The following UBXN7 variants were observed in gnomAD, a reference collection of about 807,000 sequenced individuals.
UBXN7 encodes the protein UBX domain protein 7.
In UBXN7, 9 loss-of-function variants were observed where a neutral mutation model predicts 58.0. The observed-to-expected ratio is 0.16, with a 90% confidence interval of 0.09 to 0.27. The LOEUF is 0.27. Among genes scored for constraint, UBXN7 ranks in the 10% least tolerant of loss-of-function variants. UBXN7 has a pLI of 1.00. For synonymous variants in UBXN7, 208 were observed against 205.0 expected (o/e 1.01, Z -0.12); for missense variants, 328 against 599.6 (o/e 0.55, Z 4.73).
chr3:196,361,853 A>G lies in UBXN7; in HGVS notation c.1299T>C (p.Ala433=). The change falls in exon 10 of 11, where the codon GCT becomes GCC. Residue 433 remains alanine, a synonymous_variant. Transcript: ENST00000296328. ...KREQITLPEQ[A]KLLALVKHVQ... ...GCAAGCCTGTACTTACTAGCAGTTT[A>G]GCTTGCTCTGGAAGAGTGATCTGTT... 6.2e-7 allele frequency: 1 copy of G among 1,613,698 alleles called. No individual in the cohort carries two copies. The highest frequency in any genetic ancestry group is 8.5e-7 in the Non-Finnish European group (1 of 1,179,824).
chr3:196,379,586 C>G (rs1166646103), intron 5 of UBXN7, among the ~76,000 whole-genome samples: 1 of 152,124 alleles, frequency 6.6e-6, no homozygotes, highest in African/African-American at 2.4e-5. Flanking sequence ...CGATGGTATT[C>G]CTGTCTATTA....
intron 1 of UBXN7, among the ~76,000 whole-genome samples, chr3:196,422,013 A>G (rs1730704895): frequency 1.3e-5 from 2 of 152,040 alleles, no homozygotes; most frequent in Admixed American, 6.6e-5. Context: ...AGACTGGCCA[A>G]TGTGGTGAAA....
At chr3:196,415,919 C>T (rs560423542) in intron 1 of UBXN7, among the ~76,000 whole-genome samples, 6 of 152,322 alleles carry the variant, frequency 3.9e-5, no homozygotes, top group African/African-American at 7.2e-5. Flanking sequence ...ACATCTGCGT[C>T]CCAATGAACC....
At chr3:196,420,080 C>A (rs1232475197) in intron 1 of UBXN7, among the ~76,000 whole-genome samples, 1 of 152,156 alleles carries the variant, frequency 6.6e-6, no homozygotes, top group Non-Finnish European at 1.5e-5. Flanking sequence ...TTTACCTATG[C>A]ACCCAAGAGG....
At chr3:196,412,230 CAAAAAAAAAA>C (rs55746914) in intron 1 of UBXN7, among the ~76,000 whole-genome samples, 1 of 89,126 alleles carries the variant, frequency 1.1e-5, no homozygotes, top group Non-Finnish European at 2.1e-5. Context: ...GACTTTGTCT[CAAAAAAAAAA>C]AAAAAAAAAG....
At chr3:196,399,805 T>C (rs1302047136) in intron 3 of UBXN7, 1 of 152,182 alleles carries the variant, frequency 6.6e-6, no homozygotes, top group Non-Finnish European at 1.5e-5. Flanking sequence ...TATCTAGTGA[T>C]ACAGCCTGAA....
At chr3:196,413,016 G>A (rs2108619562) in intron 1 of UBXN7, among the ~76,000 whole-genome samples, 1 of 152,246 alleles carries the variant, frequency 6.6e-6, no homozygotes, top group Non-Finnish European at 1.5e-5. Flanking sequence ...CATTATTAAT[G>A]TATTTAATAC....
chr3:196,401,504 C>T (rs1263360847), intron 3 of UBXN7, among the ~76,000 whole-genome samples: 3 of 150,198 alleles, frequency 2.0e-5, no homozygotes, highest in Non-Finnish European at 4.4e-5. Context: ...TATGTATTAT[C>T]CTAAGTGAAT....
chr3:196,349,439 T>C lies in UBXN7; in HGVS notation c.*7246A>G, dbSNP rs1728162397. On this transcript the variant is annotated 3_prime_UTR_variant, in exon 11 of 11. Coordinates refer to ENST00000296328, the MANE Select transcript of UBXN7 (RefSeq NM_015562.2). The stretch of plus-strand genomic sequence containing the variant: ...AAAGTTATTGTTAAAAGCATATGAT[T>C]AGTGTCATAAACATATTTATATTTG... The C allele has an allele frequency of 6.6e-6, 1 of 152,328 alleles. No individual in the cohort carries two copies. Among genetic ancestry groups the C allele is most frequent in the South Asian group, 2.1e-4 (1 of 4,826 alleles). 9.4% of individuals were successfully genotyped at this position (152,328 alleles called of 1,614,324 possible).
chr3:196,432,396 C>T lies in UBXN7; in HGVS notation c.4G>A (p.Ala2Thr). M[A>T]AHGGSAASSA... Reference sequence around the variant, plus strand: ...GACGCCGCGGAGCCCCCGTGGGCAGCCATCTTACCGCCGCCGCCGCCGCCG... The same window carrying T: ...GACGCCGCGGAGCCCCCGTGGGCAGTCATCTTACCGCCGCCGCCGCCGCCG... The change falls in exon 1 of 11, where the codon GCT becomes ACT. Residue 2 changes from alanine to threonine, a missense_variant. Ala to Thr is a moderately conservative substitution (Grantham distance 58). This residue lies in a region of UBXN7 where 106 missense variants were observed against 124.3 expected (regional missense o/e 0.85). Transcript: ENST00000296328. 4 of 1,591,490 alleles carry T rather than the reference C, an allele frequency of 2.5e-6. No individual in the cohort carries two copies. Among genetic ancestry groups the T allele is most frequent in the Non-Finnish European group, 3.4e-6 (4 of 1,165,380 alleles).
chr3:196,369,396 A>C, intron 7 of UBXN7, 25 bp downstream of exon 7: 1 of 1,529,694 alleles, frequency 6.5e-7, no homozygotes, highest in Non-Finnish European at 9.0e-7. Flanking sequence ...ATAGGTTAAA[A>C]GCTGCGTGCT....
chr3:196,359,351 GCCT>G (rs1170475636), intron 10 of UBXN7, among the ~76,000 whole-genome samples: 4 of 152,024 alleles, frequency 2.6e-5, no homozygotes, highest in Non-Finnish European at 5.9e-5. Flanking sequence ...CTCTATTCAG[GCCT>G]CCTTATTCCC....
At chr3:196,414,751 C>G (rs1730428960) in intron 1 of UBXN7, 1 of 152,174 alleles carries the variant, frequency 6.6e-6, no homozygotes, top group Non-Finnish European at 1.5e-5. Context: ...CTGCTAGCTG[C>G]TCTGTCTCTC....
At chr3:196,397,101 T>C (rs1729799186) in intron 3 of UBXN7, among the ~76,000 whole-genome samples, 1 of 152,204 alleles carries the variant, frequency 6.6e-6, no homozygotes, top group Admixed American at 6.5e-5. Flanking sequence ...GCCCTAAGAC[T>C]ATTACTGCTA....
intron 2 of UBXN7, 61 bp downstream of exon 2, chr3:196,407,185 A>T (rs1196602824): frequency 1.6e-5 from 25 of 1,572,346 alleles, no homozygotes; most frequent in Middle Eastern, 3.4e-4. Context: ...AGCTTTGATA[A>T]AAATGCAACT....
At chr3:196,381,712 A>C (rs1214487947) in intron 5 of UBXN7, among the ~76,000 whole-genome samples, 1 of 152,242 alleles carries the variant, frequency 6.6e-6, no homozygotes, top group Non-Finnish European at 1.5e-5. Flanking sequence ...AGGATGTTCG[A>C]ACCCATCGCA....
chr3:196,428,500 C>A (rs1199995508), intron 1 of UBXN7, among the ~76,000 whole-genome samples: 1 of 151,586 alleles, frequency 6.6e-6, no homozygotes, highest in Non-Finnish European at 1.5e-5. Context: ...ATACTATGAT[C>A]CACAATGTAA....
intron 5 of UBXN7, among the ~76,000 whole-genome samples, chr3:196,375,008 A>AGGAAGGG (rs1560223356): frequency 5.1e-5 from 2 of 38,962 alleles, no homozygotes; most frequent in African/African-American, 2.4e-4. Flanking sequence ...GGGAGGGAGG[A>AGGAAGGG]AGGAAGGAAG....
chr3:196,383,616 A>G (rs1729282786), intron 5 of UBXN7, among the ~76,000 whole-genome samples: 1 of 152,242 alleles, frequency 6.6e-6, no homozygotes, highest in Non-Finnish European at 1.5e-5. Flanking sequence ...ACCACAGTGC[A>G]ATCAAATTAG....
Sources: allele counts gnomAD v4.1 joint callset (sites outside exome capture counted in the v4.1 genomes callset), GRCh38; gene constraint gnomAD v4.1.1; regional missense constraint gnomAD v4.1.1; transcripts MANE v1.5; gene names NCBI Gene and HGNC (gene_info 2026-07-23, HGNC 2026-07-21).